Variants in PPP2R5E observed in about 807,000 individuals in gnomAD.
PPP2R5E encodes serine/threonine-protein phosphatase 2A 56 kDa regulatory subunit epsilon isoform.
A neutral mutation model predicts 65.3 loss-of-function variants in PPP2R5E; 4 were observed. That is an observed-to-expected ratio of 0.06 (90% CI 0.03 to 0.14). PPP2R5E has a LOEUF of 0.14. Ranked by LOEUF, PPP2R5E falls within the 10% of genes least tolerant of loss-of-function variation. PPP2R5E has a pLI of 1.00. For missense variants in PPP2R5E, 274 were observed against 556.1 expected, an observed-to-expected ratio of 0.49 and a Z score of 5.10; for synonymous variants, 183 against 187.4, an observed-to-expected ratio of 0.98 and a Z score of 0.19.
chr14:63,518,133 C>T (rs888634630), intron 2 of PPP2R5E, among the ~76,000 whole-genome samples: 2 of 151,976 alleles, frequency 1.3e-5, no homozygotes, highest in African/African-American at 4.8e-5. Context: ...TGTGTTGCAG[C>T]GATGCAATCA....
At chr14:63,409,038 C>G (rs1282300394) in intron 5 of PPP2R5E, among the ~76,000 whole-genome samples, 1 of 152,062 alleles carries the variant, frequency 6.6e-6, no homozygotes, top group Non-Finnish European at 1.5e-5. Context: ...TTAAGACCAG[C>G]CTGACCAACA....
chr14:63,430,800 T>C (rs1205934175), intron 3 of PPP2R5E, among the ~76,000 whole-genome samples: 1 of 152,222 alleles, frequency 6.6e-6, no homozygotes, highest in Non-Finnish European at 1.5e-5. Context: ...TTCAATCAAA[T>C]AATTTGTTTC....
At chr14:63,396,963 C>T (rs1203260471) in intron 5 of PPP2R5E, among the ~76,000 whole-genome samples, 1 of 152,096 alleles carries the variant, frequency 6.6e-6, no homozygotes, top group Non-Finnish European at 1.5e-5. Flanking sequence ...ATAGCTAATA[C>T]ACATATGGCA....
At chr14:63,408,116 G>C (rs1169765473) in intron 5 of PPP2R5E, among the ~76,000 whole-genome samples, 3 of 152,168 alleles carry the variant, frequency 2.0e-5, no homozygotes, top group African/African-American at 4.8e-5. Context: ...AGATCATTGA[G>C]TAGGTCTATC....
At position 63,371,521 on chromosome 14, in the gene PPP2R5E, A is replaced by G. The variant is rs1883689710; in HGVS notation, c.*4488T>C. On this transcript the variant is annotated 3_prime_UTR_variant, in exon 14 of 14. Coordinates refer to ENST00000337537, the MANE Select transcript of PPP2R5E (RefSeq NM_006246.5). ...AATCATTTCCAAAGAAAAACATTTTAAATTCCAAGTGTTTAAGACTCAGCT... is the reference window on the plus strand; with the variant it reads ...AATCATTTCCAAAGAAAAACATTTTGAATTCCAAGTGTTTAAGACTCAGCT... 6.6e-6 allele frequency: 1 copy of G among 152,220 alleles called. No individual in the cohort carries two copies. The highest frequency in any genetic ancestry group is 2.4e-5 in the African/African-American group (1 of 41,450). 9.4% of individuals were successfully genotyped at this position (152,220 alleles called of 1,614,324 possible).
intron 3 of PPP2R5E, chr14:63,451,769 G>A (rs1054700736): frequency 2.0e-5 from 3 of 152,070 alleles, no homozygotes; most frequent in African/African-American, 7.2e-5. Context: ...TACTGCTCTG[G>A]TGGGAGTGAG....
intron 2 of PPP2R5E, among the ~76,000 whole-genome samples, chr14:63,462,353 A>G (rs1889529634): frequency 6.6e-6 from 1 of 152,194 alleles, no homozygotes; most frequent in Non-Finnish European, 1.5e-5. Flanking sequence ...TACAGGTGTG[A>G]GCCAGTGCAC....
At chr14:63,415,086 G>T in intron 5 of PPP2R5E, 54 bp downstream of exon 5, 1 of 1,284,524 alleles carries the variant, frequency 7.8e-7, no homozygotes, top group Non-Finnish European at 1.1e-6. Context: ...AAGAGAAAAT[G>T]AGATAAAGTG....
intron 5 of PPP2R5E, 23 bp downstream of exon 5, chr14:63,415,113 TACAC>T: frequency 6.7e-7 from 1 of 1,484,766 alleles, no homozygotes; most frequent in Non-Finnish European, 9.4e-7. Flanking sequence ...GGATGACAAA[TACAC>T]ACAACCACAA....
At chr14:63,522,556 C>T (rs534932262) in intron 2 of PPP2R5E, among the ~76,000 whole-genome samples, 186 of 151,144 alleles carry the variant, frequency 1.2e-3, no homozygotes, top group Non-Finnish European at 1.8e-3. Context: ...TCTGCCCGGC[C>T]GCCCATCGTC....
chr14:63,405,456 T>C lies in PPP2R5E; in HGVS notation c.550-8740A>G, dbSNP rs547874601. 2.0e-5 allele frequency among the ~76,000 whole-genome samples: 3 copies of C among 152,312 alleles called. No individual in the cohort carries two copies. The South Asian group carries it at 6.2e-4, about 32-fold the overall frequency. Reference sequence around the variant, plus strand: ...CACTTTTAAGGACAGGCTGAATGATTTGCATGATCTGCATAATTTACATGA... The same window carrying C: ...CACTTTTAAGGACAGGCTGAATGATCTGCATGATCTGCATAATTTACATGA... On this transcript the variant is annotated intron_variant, in intron 5 of 13. Transcript: ENST00000337537.
intron 2 of PPP2R5E, among the ~76,000 whole-genome samples, chr14:63,495,254 G>A (rs1441420550): frequency 1.4e-5 from 2 of 147,564 alleles, no homozygotes; most frequent in African/African-American, 5.0e-5. Context: ...GAGAGAGAAA[G>A]AGTACAGTAC....
At chr14:63,402,870 T>G (rs891707426) in intron 5 of PPP2R5E, among the ~76,000 whole-genome samples, 2 of 152,058 alleles carry the variant, frequency 1.3e-5, no homozygotes, top group African/African-American at 4.8e-5. Flanking sequence ...AAAAAAGTCA[T>G]CAATGTCAAT....
intron 2 of PPP2R5E, among the ~76,000 whole-genome samples, chr14:63,510,944 A>T (rs572399278): frequency 3.3e-5 from 5 of 152,374 alleles, no homozygotes; most frequent in African/African-American, 1.2e-4. Flanking sequence ...CAAAGGAGGC[A>T]GAGAAGATAG....
chr14:63,379,542 G>A (rs534476208), intron 13 of PPP2R5E, among the ~76,000 whole-genome samples: 55 of 152,300 alleles, frequency 3.6e-4, no homozygotes, highest in Admixed American at 1.4e-3. Context: ...AAAGTGCTGC[G>A]ATTACAGGCG....
intron 3 of PPP2R5E, chr14:63,453,117 G>A (rs925408611): frequency 6.6e-6 from 1 of 152,136 alleles, no homozygotes; most frequent in South Asian, 2.1e-4. Context: ...CTCACATTAT[G>A]TTAATAATGT....
intron 2 of PPP2R5E, among the ~76,000 whole-genome samples, chr14:63,523,971 A>G (rs1453982955): frequency 6.6e-6 from 1 of 152,128 alleles, no homozygotes; most frequent in Non-Finnish European, 1.5e-5. Flanking sequence ...TTCTCACTAT[A>G]TTTCCTCATA....
chr14:63,386,816 C>G (rs763884303), intron 11 of PPP2R5E, among the ~76,000 whole-genome samples: 21 of 151,618 alleles, frequency 1.4e-4, no homozygotes, highest in Non-Finnish European at 1.9e-4. Context: ...CCCAGCTACT[C>G]GGGAGGCTGA....
chr14:63,384,344 G>T (rs1360287845), intron 12 of PPP2R5E, 100 bp downstream of exon 12: 1 of 1,363,818 alleles, frequency 7.3e-7, no homozygotes, highest in Non-Finnish European at 1.0e-6. Flanking sequence ...TTTCACATAC[G>T]TCTTCAGCAA....
Sources: gnomAD v4.1 joint callset for allele counts (sites outside exome capture counted in the v4.1 genomes callset) on GRCh38, gnomAD v4.1.1 for gene constraint, MANE v1.5 for transcripts, NCBI Gene and HGNC (gene_info 2026-07-23, HGNC 2026-07-21) for gene names.